The following RHOBTB1 variants were observed in gnomAD, a reference collection of about 807,000 sequenced individuals.
RHOBTB1 encodes the protein Rho related BTB domain containing 1.
RHOBTB1 carries 40 observed loss-of-function variants against 71.6 expected under a neutral mutation model. The ratio of observed to expected loss-of-function variants is 0.56; its 90% confidence interval spans 0.43 to 0.73. RHOBTB1 has a LOEUF of 0.73. Ranked by LOEUF, RHOBTB1 falls within the 30% of genes least tolerant of loss-of-function variation. RHOBTB1 has a pLI of 0.00. For missense variants in RHOBTB1, 797 were observed against 894.0 expected (o/e 0.89, Z 1.38); for synonymous variants, 319 against 334.9 (o/e 0.95, Z 0.52).
chr10:60,904,742 C>T (rs1182512096), intron 4 of RHOBTB1, among the ~76,000 whole-genome samples: 1 of 152,204 alleles, frequency 6.6e-6, no homozygotes, highest in East Asian at 1.9e-4. Context: ...CGAATGACTG[C>T]TCTGTTCAAA....
chr10:60,966,377 A>G (rs1278118496), intron 2 of RHOBTB1, among the ~76,000 whole-genome samples: 1 of 151,830 alleles, frequency 6.6e-6, no homozygotes, highest in East Asian at 1.9e-4. Context: ...CTGAAGTGAA[A>G]GACAGTTGGA....
At chr10:60,895,616 C>T (rs994058801) in intron 4 of RHOBTB1, among the ~76,000 whole-genome samples, 1 of 152,170 alleles carries the variant, frequency 6.6e-6, no homozygotes, top group African/African-American at 2.4e-5. Flanking sequence ...GTTGGTCAGG[C>T]TGGTCTCAAA....
At chr10:60,936,831 T>A (rs576606580) in intron 2 of RHOBTB1, among the ~76,000 whole-genome samples, 3 of 152,210 alleles carry the variant, frequency 2.0e-5, no homozygotes, top group Non-Finnish European at 4.4e-5. Context: ...AACTTACATA[T>A]AATCAATTTG....
At chr10:60,975,395 G>A (rs190408069) in intron 2 of RHOBTB1, among the ~76,000 whole-genome samples, 1 of 152,172 alleles carries the variant, frequency 6.6e-6, no homozygotes, top group Non-Finnish European at 1.5e-5. Context: ...GCCTGCATTT[G>A]CCCTTTTGCC....
intron 2 of RHOBTB1, among the ~76,000 whole-genome samples, chr10:60,983,783 A>G (rs560639912): frequency 2.6e-5 from 4 of 152,152 alleles, no homozygotes; most frequent in East Asian, 1.9e-4. Context: ...ACCTTCCCCA[A>G]TGTCTGGCCT....
In RHOBTB1 at chr10:60,871,960, C is replaced by T. The variant is rs7920892; in HGVS notation, c.1921+225G>A. ...TCTGCACTCTCTGCAACAGGGCACC[C>T]TGGACTCTAGCCCACCCAACTCCCC... On this transcript the variant is annotated intron_variant, in intron 10 of 10. Coordinates refer to ENST00000337910, the MANE Select transcript of RHOBTB1 (RefSeq NM_014836.5). 0.029 allele frequency: 17,843 copies of T among 620,352 alleles called. 583 individuals are homozygous for T. The highest frequency in any genetic ancestry group is 0.12 in the African/African-American group (6,419 of 54,380). The allele number at this position is 620,352 out of a possible 1,614,324, so 38.4% of individuals were successfully genotyped here.
intron 2 of RHOBTB1, among the ~76,000 whole-genome samples, chr10:60,971,088 G>A (rs1451902143): frequency 6.6e-6 from 1 of 151,934 alleles, no homozygotes; most frequent in Non-Finnish European, 1.5e-5. Flanking sequence ...CATTATTGAT[G>A]TAATTAATAA....
chr10:60,886,339 A>G (rs2081574519), intron 6 of RHOBTB1, 109 bp from the exon 7 acceptor site: 1 of 714,850 alleles, frequency 1.4e-6, no homozygotes. Context: ...TCTCTCTTGC[A>G]TGTCTTTACT....
intron 7 of RHOBTB1, among the ~76,000 whole-genome samples, chr10:60,879,777 T>G (rs548078444): frequency 1.3e-5 from 2 of 152,198 alleles, no homozygotes; most frequent in African/African-American, 2.4e-5. Context: ...TGCACCTCTC[T>G]CTCCATACAC....
At chr10:60,889,863 AC>A (rs2081828329) in intron 5 of RHOBTB1, among the ~76,000 whole-genome samples, 2 of 152,354 alleles carry the variant, frequency 1.3e-5, no homozygotes, top group South Asian at 2.1e-4. Flanking sequence ...TATTTTGTCG[AC>A]AGTAAGTGCC....
intron 2 of RHOBTB1, among the ~76,000 whole-genome samples, chr10:60,951,326 T>G (rs2085400766): frequency 7.7e-6 from 1 of 129,974 alleles, no homozygotes; most frequent in Admixed American, 8.1e-5. Context: ...CCACCACTCC[T>G]TTCATAATGG....
In RHOBTB1 at chr10:60,911,003, G is replaced by C; in HGVS notation, c.193-13C>G. The C allele has an allele frequency of 6.2e-7, 1 of 1,608,074 alleles. No individual in the cohort carries two copies. Among genetic ancestry groups the C allele is most frequent in the Non-Finnish European group, 8.5e-7 (1 of 1,175,052 alleles). On this transcript the variant is annotated splice_polypyrimidine_tract_variant and intron_variant, in intron 3 of 10. Coordinates refer to ENST00000337910, the MANE Select transcript of RHOBTB1 (RefSeq NM_014836.5). ...AACGCTCCAAGACCTGCAGGAGAGA[G>C]AGAGAGCATCTGTGCTCGGTGTCAG... is the stretch of plus-strand genomic sequence containing the variant.
At position 61,001,043 on chromosome 10, in the gene RHOBTB1, A is replaced by AGT. The variant is rs146849672; in HGVS notation, c.-163+354_-163+355dup. Among the ~76,000 whole-genome samples the AGT allele has an allele frequency of 7.6e-3, 1,135 of 149,498 alleles. 5 individuals are homozygous for AGT. The highest frequency in any genetic ancestry group is 0.012 in the African/African-American group (483 of 40,838). On this transcript the variant is annotated intron_variant, in intron 1 of 11. Coordinates refer to the RHOBTB1 transcript ENST00000357917. The stretch of plus-strand genomic sequence containing the variant: ...CCCTCTGGCCACCCCCGCCTCCGCC[A>AGT]GTGTGTGTGTGTGTGTGAGTGCGCG...
chr10:60,892,106 T>G (rs1248584733), intron 5 of RHOBTB1, among the ~76,000 whole-genome samples: 1 of 152,212 alleles, frequency 6.6e-6, no homozygotes. Context: ...ACCTCTTTCC[T>G]TCATAAATCA....
chr10:60,949,881 T>C (rs2085355388), intron 2 of RHOBTB1, among the ~76,000 whole-genome samples: 1 of 152,276 alleles, frequency 6.6e-6, no homozygotes, highest in Non-Finnish European at 1.5e-5. Flanking sequence ...CAATGAAATG[T>C]AGGCTATGTA....
intron 2 of RHOBTB1, among the ~76,000 whole-genome samples, chr10:60,966,299 T>C (rs1336420934): frequency 6.6e-6 from 1 of 151,212 alleles, no homozygotes; most frequent in Admixed American, 6.6e-5. Context: ...ATTCTGATTA[T>C]ATTCGAAAAA....
intron 1 of RHOBTB1, among the ~76,000 whole-genome samples, chr10:61,000,490 AG>A (rs1165053058): frequency 2.4e-4 from 36 of 152,318 alleles, no homozygotes; most frequent in African/African-American, 8.4e-4. Context: ...AGGCACATAA[AG>A]AAGCAGTCAA....
chr10:60,944,243 A>C (rs961123410), upstream of RHOBTB1: 4 of 150,662 alleles, frequency 2.7e-5, no homozygotes, highest in South Asian at 2.1e-4. Context: ...GCCTGCCCCC[A>C]CCCCGCTCCC....
intron 2 of RHOBTB1, among the ~76,000 whole-genome samples, chr10:60,978,629 G>C (rs959897986): frequency 1.3e-5 from 2 of 152,152 alleles, no homozygotes; most frequent in Non-Finnish European, 2.9e-5. Context: ...TCAAAATGTT[G>C]CTGGTTCTAG....
Sources: allele counts gnomAD v4.1 joint callset (sites outside exome capture counted in the v4.1 genomes callset), GRCh38; gene constraint gnomAD v4.1.1; transcripts MANE v1.5; gene names NCBI Gene and HGNC (gene_info 2026-07-23, HGNC 2026-07-21).